The following MED13L variants were observed in gnomAD, a reference collection of about 807,000 sequenced individuals.
MED13L encodes mediator complex subunit 13L.
A neutral mutation model predicts 220.9 loss-of-function variants in MED13L; 7 were observed. The ratio of observed to expected loss-of-function variants is 0.03; its 90% CI spans 0.02 to 0.06. The LOEUF (loss-of-function observed/expected upper bound fraction) is 0.06, where lower values mean the gene tolerates loss of function less well. MED13L is among the 10% of genes least tolerant of loss of function. The probability of loss-of-function intolerance (pLI) is 1.00; values close to 1 mark genes in which losing one functional copy is unlikely to be tolerated. For synonymous variants in MED13L, 1,011 were observed against 1,015.2 expected, an observed-to-expected ratio of 1.00 and a Z score of 0.08; for missense variants, 1,965 against 2,760.5, an observed-to-expected ratio of 0.71 and a Z score of 6.46.
chr12:116,112,589 TCCTG>T (rs1250134541), intron 2 of MED13L, among the ~76,000 whole-genome samples: 2 of 152,218 alleles, frequency 1.3e-5, no homozygotes, highest in Non-Finnish European at 2.9e-5. Context: ...CTTTTTGTCT[TCCTG>T]CCTATGTGGC....
intron 2 of MED13L, among the ~76,000 whole-genome samples, chr12:116,114,694 C>G (rs896837125): frequency 2.0e-5 from 3 of 152,128 alleles, no homozygotes; most frequent in Non-Finnish European, 4.4e-5. Flanking sequence ...ACACGACTGT[C>G]TATCAGAAAA....
intron 2 of MED13L, among the ~76,000 whole-genome samples, chr12:116,183,330 A>G (rs1178438203): frequency 6.6e-6 from 1 of 152,230 alleles, no homozygotes; most frequent in African/African-American, 2.4e-5. Flanking sequence ...ACCTATGAGC[A>G]ACTTCTTCAG....
intron 4 of MED13L, among the ~76,000 whole-genome samples, chr12:116,092,122 ACTT>A (rs1369824837): frequency 6.6e-6 from 1 of 152,230 alleles, no homozygotes; most frequent in African/African-American, 2.4e-5. Flanking sequence ...TTGTCTATGG[ACTT>A]CCCATCAGCA....
At chr12:116,067,173 ATTT>A (rs1213458738) in intron 4 of MED13L, among the ~76,000 whole-genome samples, 2 of 152,212 alleles carry the variant, frequency 1.3e-5, no homozygotes, top group East Asian at 1.9e-4. Context: ...TGTAAAAACT[ATTT>A]TTATTATACA....
chr12:116,019,255 G>A lies in MED13L; in HGVS notation c.978C>T (p.Thr326=). 1 of 1,613,834 alleles carries A rather than the reference G, an allele frequency of 6.2e-7. No individual in the cohort carries two copies. The highest frequency in any genetic ancestry group is 1.1e-5 in the South Asian group (1 of 91,072). The part of the protein sequence containing the change: ...KDPSNCGMPL[T]PPTSPEQAIL... Reference sequence around the variant, plus strand: ...TAGCCTGTTCTGGAGAGGTGGGAGGGGTCAGAGGCATCCCACAGTTACTTG... The same window carrying A: ...TAGCCTGTTCTGGAGAGGTGGGAGGAGTCAGAGGCATCCCACAGTTACTTG... The change falls in exon 7 of 31, where the codon ACC becomes ACT. Residue 326 remains threonine, a synonymous_variant. Coordinates refer to ENST00000281928, the MANE Select transcript of MED13L (RefSeq NM_015335.5).
At chr12:116,234,184 T>C (rs928289737) in intron 2 of MED13L, among the ~76,000 whole-genome samples, 3 of 152,106 alleles carry the variant, frequency 2.0e-5, no homozygotes, top group Non-Finnish European at 2.9e-5. Context: ...GGTAATGTCA[T>C]GCTTAATTTA....
At chr12:116,087,749 A>C (rs1453280861) in intron 4 of MED13L, among the ~76,000 whole-genome samples, 1 of 152,216 alleles carries the variant, frequency 6.6e-6, no homozygotes, top group African/African-American at 2.4e-5. Flanking sequence ...TCTGCAAAAA[A>C]AAGTTCATAA....
In MED13L at chr12:116,031,675, A is replaced by AAAAAG. The variant is rs1173196797; in HGVS notation, c.480-9079_480-9075dup. Among the ~76,000 whole-genome samples, 81 of 68,094 alleles carry AAAAAG rather than the reference A, an allele frequency of 1.2e-3. 1 individual carries two copies. The highest frequency in any genetic ancestry group is 7.2e-3 in the Middle Eastern group (1 of 138). The allele number at this position is 68,094 out of a possible 152,430, so 44.7% of individuals were successfully genotyped here. A position where few individuals can be genotyped will look rare whatever the true frequency, so the allele number is the denominator to read the frequency against. ...GGACGGGACGGGACGGGAGAAAAGAAAAAAGAAAAGAAAAGAAAAGAAAAG... is the reference window on the plus strand; with the variant it reads ...GGACGGGACGGGACGGGAGAAAAGAAAAAAGAAAAGAAAAGAAAAGAAAAGAAAAG... On this transcript the variant is annotated intron_variant, in intron 4 of 30. Transcript: ENST00000281928.
At chr12:116,186,251 C>G (rs1442084079) in intron 2 of MED13L, among the ~76,000 whole-genome samples, 9 of 152,112 alleles carry the variant, frequency 5.9e-5, no homozygotes, top group African/African-American at 1.9e-4. Flanking sequence ...TTCATGTTTT[C>G]TCTATCCTAC....
At chr12:116,148,350 T>C (rs1877733767) in intron 2 of MED13L, among the ~76,000 whole-genome samples, 1 of 151,956 alleles carries the variant, frequency 6.6e-6, no homozygotes, top group Non-Finnish European at 1.5e-5. Context: ...ATTAAAATTA[T>C]TTATAATTGT....
rs140706221 is a variant in MED13L at position 115,981,438 on chromosome 12, C to T, written c.5176-500G>A. Among the ~76,000 whole-genome samples the T allele has an allele frequency of 2.3e-3, 343 of 152,212 alleles. 1 individual carries two copies. Among genetic ancestry groups the T allele is most frequent in the African/African-American group, 7.9e-3 (327 of 41,534 alleles). Reference sequence around the variant, plus strand: ...AGCTTCAGTTAAAGTGACATTAAAACGAAACCCAAACATCCGAAGCATTGT... The same window carrying T: ...AGCTTCAGTTAAAGTGACATTAAAATGAAACCCAAACATCCGAAGCATTGT... On this transcript the variant is annotated intron_variant, in intron 22 of 30. Transcript: ENST00000281928.
intron 4 of MED13L, among the ~76,000 whole-genome samples, chr12:116,054,751 G>GT (rs1868807312): frequency 1.3e-5 from 2 of 152,178 alleles, no homozygotes; most frequent in South Asian, 2.1e-4. Context: ...TATACAGCTG[G>GT]TGAGAATCTA....
At position 116,031,704 on chromosome 12, in the gene MED13L, A is replaced by AG. The variant is rs1445886705; in HGVS notation, c.480-9104dup. Among the ~76,000 whole-genome samples the AG allele has an allele frequency of 2.0e-3, 99 of 48,360 alleles. 1 individual carries two copies. Among genetic ancestry groups the AG allele is most frequent in the Non-Finnish European group, 3.1e-3 (72 of 23,454 alleles). The allele number at this position is 48,360 out of a possible 152,430, so 31.7% of individuals were successfully genotyped here. ...AGAAAAGAAAAGAAAAGAAAAGAAA[A>AG]GAAAAGAAAAGAAAAGAAAAGAAAA... On this transcript the variant is annotated intron_variant, in intron 4 of 30. Coordinates refer to ENST00000281928, the MANE Select transcript of MED13L (RefSeq NM_015335.5).
intron 2 of MED13L, among the ~76,000 whole-genome samples, chr12:116,173,929 AT>A (rs1879867853): frequency 6.6e-6 from 1 of 152,080 alleles, no homozygotes; most frequent in South Asian, 2.1e-4. Context: ...CAAGATGCCC[AT>A]CCCTACAAAA....
At chr12:116,004,652 T>C (rs978523588) in intron 13 of MED13L, among the ~76,000 whole-genome samples, 4 of 152,024 alleles carry the variant, frequency 2.6e-5, no homozygotes, top group African/African-American at 9.7e-5. Flanking sequence ...TAGTTCGTTT[T>C]TGTTGTTTAA....
At chr12:116,093,069 T>A (rs1027891733) in intron 4 of MED13L, among the ~76,000 whole-genome samples, 1 of 152,170 alleles carries the variant, frequency 6.6e-6, no homozygotes, top group African/African-American at 2.4e-5. Flanking sequence ...TGTAATAAAA[T>A]GTGGATTGAG....
At chr12:116,119,650 A>C (rs1874827320) in intron 2 of MED13L, among the ~76,000 whole-genome samples, 1 of 151,252 alleles carries the variant, frequency 6.6e-6, no homozygotes, top group South Asian at 2.1e-4. Context: ...AAAAAACTTT[A>C]AAAACTTAGC....
At chr12:116,242,678 A>T (rs938098052) in intron 1 of MED13L, among the ~76,000 whole-genome samples, 2 of 152,204 alleles carry the variant, frequency 1.3e-5, no homozygotes, top group Non-Finnish European at 2.9e-5. Flanking sequence ...TATTTCTAAT[A>T]CCGAGCACCA....
chr12:116,273,343 T>A (rs1274918041), intron 1 of MED13L, among the ~76,000 whole-genome samples: 1 of 151,954 alleles, frequency 6.6e-6, no homozygotes, highest in Non-Finnish European at 1.5e-5. Context: ...TGAACCATCA[T>A]GGAAAAAAAT....
Sources: gnomAD v4.1 joint callset for allele counts (sites outside exome capture counted in the v4.1 genomes callset) on GRCh38, gnomAD v4.1.1 for gene constraint, MANE v1.5 for transcripts, NCBI Gene and HGNC (gene_info 2026-07-23, HGNC 2026-07-21) for gene names.